Variants in GALNT13 observed in about 807,000 individuals in gnomAD.
GALNT13 encodes polypeptide N-acetylgalactosaminyltransferase 13, also known as UDP-GalNAc:polypeptide N-acetylgalactosaminyltransferase 13.
GALNT13 carries 28 observed loss-of-function variants against 64.2 expected under a neutral mutation model. That is an observed-to-expected ratio of 0.44 (90% CI 0.32 to 0.60). The LOEUF (loss-of-function observed/expected upper bound fraction) is 0.60, where lower values mean the gene tolerates loss of function less well. Among genes scored for constraint, GALNT13 ranks in the 20% least tolerant of loss-of-function variants. The pLI, the probability that GALNT13 is intolerant of heterozygous loss-of-function variation, is 0.05. For synonymous variants in GALNT13, 214 were observed against 224.6 expected, an observed-to-expected ratio of 0.95 and a Z score of 0.42; for missense variants, 577 against 669.8, an observed-to-expected ratio of 0.86 and a Z score of 1.53.
At chr2:153,638,185 T>A in the GALNT13 span, among the ~76,000 whole-genome samples, 1 of 152,058 alleles carries the variant, frequency 6.6e-6, no homozygotes, top group Admixed American at 6.6e-5. Flanking sequence ...AGATCAGAGA[T>A]GTAGTGATAG....
At chr2:153,302,797 C>T in the GALNT13 span, among the ~76,000 whole-genome samples, 1 of 152,094 alleles carries the variant, frequency 6.6e-6, no homozygotes, top group African/African-American at 2.4e-5. Context: ...TATTGAAGAG[C>T]TTATCCTTTC....
intron 12 of GALNT13, among the ~76,000 whole-genome samples, chr2:154,448,384 A>G (rs564234573): frequency 6.6e-6 from 1 of 152,160 alleles, no homozygotes; most frequent in South Asian, 2.1e-4. Flanking sequence ...ACAAAAGGGA[A>G]AAACTGTATT....
the GALNT13 span, among the ~76,000 whole-genome samples, chr2:153,090,998 C>G: frequency 6.6e-6 from 1 of 152,220 alleles, no homozygotes; most frequent in Non-Finnish European, 1.5e-5. Context: ...AGGCTGTGAG[C>G]TTCCCTGCTG....
intron 9 of GALNT13, among the ~76,000 whole-genome samples, chr2:154,312,853 T>A (rs1302621534): frequency 1.3e-5 from 2 of 152,176 alleles, no homozygotes; most frequent in Admixed American, 6.5e-5. Context: ...AAAAGGGGCT[T>A]TGTTTGTATA....
At chr2:154,145,768 A>G (rs182166454) in intron 4 of GALNT13, among the ~76,000 whole-genome samples, 63 of 152,060 alleles carry the variant, frequency 4.1e-4, no homozygotes, top group Non-Finnish European at 1.9e-4. Flanking sequence ...TTACTACATA[A>G]AGTAGGAATA....
the GALNT13 span, among the ~76,000 whole-genome samples, chr2:153,439,722 C>G: frequency 1.3e-5 from 2 of 152,130 alleles, no homozygotes; most frequent in Non-Finnish European, 2.9e-5. Context: ...TCAGTCACCC[C>G]TTTCTTTGAC....
the GALNT13 span, among the ~76,000 whole-genome samples, chr2:153,857,509 C>T: frequency 2.6e-5 from 4 of 152,126 alleles, no homozygotes; most frequent in South Asian, 8.3e-4. Context: ...AGAGAAGCAA[C>T]AGGGCCAAAG....
chr2:154,124,530 T>G (rs975283822), intron 3 of GALNT13, among the ~76,000 whole-genome samples: 7 of 152,020 alleles, frequency 4.6e-5, no homozygotes, highest in Admixed American at 2.0e-4. Context: ...ATGAGATATT[T>G]TGATTTTTTG....
At chr2:153,878,162 T>C (rs1686521042) in intron 1 of GALNT13, among the ~76,000 whole-genome samples, 1 of 152,216 alleles carries the variant, frequency 6.6e-6, no homozygotes, top group Admixed American at 6.5e-5. Flanking sequence ...CATCTCAATT[T>C]TATAAAAGTG....
chr2:153,994,355 T>G (rs961690979), intron 3 of GALNT13, among the ~76,000 whole-genome samples: 1 of 152,252 alleles, frequency 6.6e-6, no homozygotes. Context: ...TTTGCTATTG[T>G]GAATAGTGCT....
chr2:153,619,800 A>G, the GALNT13 span, among the ~76,000 whole-genome samples: 1 of 152,104 alleles, frequency 6.6e-6, no homozygotes. Flanking sequence ...TTCACTGAAA[A>G]GTCTGTTGCC....
At chr2:154,356,243 ACT>A (rs914357507) in intron 9 of GALNT13, among the ~76,000 whole-genome samples, 1 of 151,496 alleles carries the variant, frequency 6.6e-6, no homozygotes, top group African/African-American at 2.4e-5. Context: ...TTTCCTTAGA[ACT>A]CTTTTTAAAA....
At chr2:153,279,985 C>T in the GALNT13 span, among the ~76,000 whole-genome samples, 3 of 152,110 alleles carry the variant, frequency 2.0e-5, no homozygotes, top group Admixed American at 2.0e-4. Flanking sequence ...TGCTATGAAT[C>T]CAGCCAGTCT....
chr2:153,578,897 T>TAA, the GALNT13 span, among the ~76,000 whole-genome samples: 39 of 152,236 alleles, frequency 2.6e-4, no homozygotes, highest in African/African-American at 7.7e-4. Context: ...CAGAGGACCA[T>TAA]AAAAAAACCA....
At chr2:153,400,778 T>G in the GALNT13 span, among the ~76,000 whole-genome samples, 1 of 152,146 alleles carries the variant, frequency 6.6e-6, no homozygotes. Context: ...GATATCCCCT[T>G]TATCATTTTT....
chr2:154,373,924 G>A (rs1697837595), intron 9 of GALNT13, among the ~76,000 whole-genome samples: 1 of 152,136 alleles, frequency 6.6e-6, no homozygotes. Context: ...ATACTTCTGA[G>A]TGCCATTTTT....
chr2:154,166,024 T>C (rs1685001144), intron 4 of GALNT13, among the ~76,000 whole-genome samples: 1 of 152,182 alleles, frequency 6.6e-6, no homozygotes, highest in South Asian at 2.1e-4. Flanking sequence ...CACTGGTCAG[T>C]TTTTCTTAAG....
At chr2:154,049,899 T>G (rs1473215547) in intron 3 of GALNT13, among the ~76,000 whole-genome samples, 1 of 152,118 alleles carries the variant, frequency 6.6e-6, no homozygotes, top group Non-Finnish European at 1.5e-5. Flanking sequence ...TTTATTTTGT[T>G]GGATGCTTTT....
chr2:153,971,339 T>C lies in GALNT13; in HGVS notation c.142+26700T>C, dbSNP rs146453892. Among the ~76,000 whole-genome samples the C allele has an allele frequency of 3.7e-3, 560 of 152,234 alleles. 7 individuals are homozygous for C. Among genetic ancestry groups the C allele is most frequent in the African/African-American group, 0.013 (539 of 41,550 alleles). On this transcript the variant is annotated intron_variant, in intron 3 of 12. Transcript: ENST00000392825. ...ATTTTTCACTGCATGACATATTATG[T>C]TTTACTTATTTACATTCTTTCTTTT...
Sources: allele counts gnomAD v4.1 joint callset (sites outside exome capture counted in the v4.1 genomes callset), GRCh38; gene constraint gnomAD v4.1.1; transcripts MANE v1.5; gene names NCBI Gene and HGNC (gene_info 2026-07-23, HGNC 2026-07-21).